Variants in SCHIP1 observed in about 807,000 individuals in gnomAD.
The protein encoded by SCHIP1 is schwannomin-interacting protein 1.
Under a neutral mutation model 29.7 loss-of-function variants are expected in SCHIP1, and 8 were observed. The observed-to-expected ratio is 0.27, with a 90% confidence interval of 0.16 to 0.49. SCHIP1 has a LOEUF of 0.49. Ranked by LOEUF, SCHIP1 falls within the 20% of genes least tolerant of loss-of-function variation. SCHIP1 has a pLI of 0.99. For missense variants in SCHIP1, 193 were observed against 294.6 expected (o/e 0.66, Z 2.52); for synonymous variants, 76 against 94.9 (o/e 0.80, Z 1.16).
At chr3:159,871,595 G>T (rs1715293724) in intron 2 of SCHIP1, among the ~76,000 whole-genome samples, 1 of 152,062 alleles carries the variant, frequency 6.6e-6, no homozygotes, top group Non-Finnish European at 1.5e-5. Flanking sequence ...CTCTTTCATT[G>T]GGATGCATCT....
the SCHIP1 span, among the ~76,000 whole-genome samples, chr3:159,749,692 C>T: frequency 3.7e-3 from 567 of 152,262 alleles, 3 homozygotes; most frequent in Middle Eastern, 0.031. Context: ...ATAGAGGCTC[C>T]GCAGCTTGCA....
the SCHIP1 span, among the ~76,000 whole-genome samples, chr3:159,596,189 C>T: frequency 6.6e-6 from 1 of 152,176 alleles, no homozygotes; most frequent in African/African-American, 2.4e-5. Flanking sequence ...CCAACAGACA[C>T]ATGGAAAAAT....
the SCHIP1 span, among the ~76,000 whole-genome samples, chr3:159,811,371 C>A: frequency 6.6e-6 from 1 of 152,278 alleles, no homozygotes; most frequent in Admixed American, 6.5e-5. Flanking sequence ...CTTTGTCTAA[C>A]TTAAGGTTGC....
At chr3:159,462,299 G>A in the SCHIP1 span, among the ~76,000 whole-genome samples, 39 of 152,216 alleles carry the variant, frequency 2.6e-4, no homozygotes, top group East Asian at 7.3e-3. Context: ...GGAACGGCCT[G>A]CCAGTCCTCT....
the SCHIP1 span, among the ~76,000 whole-genome samples, chr3:159,647,130 C>G: frequency 1.3e-5 from 2 of 151,822 alleles, no homozygotes; most frequent in Non-Finnish European, 2.9e-5. Context: ...AGTAGACCAC[C>G]ATTTGAGGGA....
chr3:159,332,572 T>C, the SCHIP1 span, among the ~76,000 whole-genome samples: 1 of 152,136 alleles, frequency 6.6e-6, no homozygotes, highest in East Asian at 1.9e-4. Context: ...AAATATTCAG[T>C]CTCCAGGAAT....
At chr3:159,764,664 G>A in the SCHIP1 span, 2 of 1,592,416 alleles carry the variant, frequency 1.3e-6, no homozygotes, top group Non-Finnish European at 1.7e-6. This position sits in a 1 kb window ranked among gnomAD's most constrained non-coding sequence, Gnocchi z 6.1. Context: ...GGGCGCCGGA[G>A]GAGGACGGGG....
At chr3:159,283,178 A>C in the SCHIP1 span, among the ~76,000 whole-genome samples, 16 of 152,288 alleles carry the variant, frequency 1.1e-4, no homozygotes, top group South Asian at 2.7e-3. Context: ...TTTGAGACGG[A>C]GTCTCACTCT....
chr3:159,680,467 C>T, the SCHIP1 span, among the ~76,000 whole-genome samples: 2 of 139,982 alleles, frequency 1.4e-5, no homozygotes, highest in Non-Finnish European at 3.0e-5. Flanking sequence ...CGAGATCATG[C>T]CACTGCACTC....
chr3:159,720,793 C>T, the SCHIP1 span, among the ~76,000 whole-genome samples: 1 of 152,136 alleles, frequency 6.6e-6, no homozygotes, highest in African/African-American at 2.4e-5. Flanking sequence ...CCATGTGGGC[C>T]AGACTGGTTG....
chr3:159,519,203 G>A, the SCHIP1 span, among the ~76,000 whole-genome samples: 6 of 152,092 alleles, frequency 3.9e-5, no homozygotes. Context: ...GTATATTGAA[G>A]TAGCCAAGTT....
chr3:159,346,074 G>T, the SCHIP1 span, among the ~76,000 whole-genome samples: 1 of 151,570 alleles, frequency 6.6e-6, no homozygotes, highest in Non-Finnish European at 1.5e-5. Context: ...TGCACCTGTA[G>T]TCCCAGCTAC....
chr3:159,803,390 C>T, the SCHIP1 span, among the ~76,000 whole-genome samples: 38,843 of 152,020 alleles, frequency 0.26, 5,200 homozygotes, highest in Middle Eastern at 0.34. Context: ...CTAGAACAGA[C>T]GTGTGGGTGT....
chr3:159,759,559 GC>G, the SCHIP1 span, among the ~76,000 whole-genome samples: 1 of 152,124 alleles, frequency 6.6e-6, no homozygotes, highest in African/African-American at 2.4e-5. Context: ...AAGTGTCTGG[GC>G]TCCTTCATGA....
the SCHIP1 span, among the ~76,000 whole-genome samples, chr3:159,570,297 A>C: frequency 1.4e-4 from 21 of 152,322 alleles, no homozygotes; most frequent in Middle Eastern, 3.4e-3. Context: ...TAAGTCTTTA[A>C]TCCATCTTGA....
the SCHIP1 span, among the ~76,000 whole-genome samples, chr3:159,680,507 C>CA: frequency 6.9e-3 from 644 of 92,728 alleles, 1 homozygote; most frequent in African/African-American, 0.015. Flanking sequence ...GATCTTGTCT[C>CA]AAAAAAAAAA....
the SCHIP1 span, among the ~76,000 whole-genome samples, chr3:159,678,926 T>C: frequency 6.6e-6 from 1 of 152,210 alleles, no homozygotes; most frequent in South Asian, 2.1e-4. Flanking sequence ...TATCGCCCTT[T>C]GATTCAATTA....
At chr3:159,384,342 C>A in the SCHIP1 span, among the ~76,000 whole-genome samples, 1 of 152,030 alleles carries the variant, frequency 6.6e-6, no homozygotes, top group South Asian at 2.1e-4. Flanking sequence ...TTGTCAAAGG[C>A]CTTTTCTGCA....
the SCHIP1 span, among the ~76,000 whole-genome samples, chr3:159,494,738 T>G: frequency 6.6e-6 from 1 of 152,144 alleles, no homozygotes; most frequent in Non-Finnish European, 1.5e-5. Flanking sequence ...GAGGGAATCC[T>G]CCCTAACTCA....
Sources: gnomAD v4.1 joint callset for allele counts (sites outside exome capture counted in the v4.1 genomes callset) on GRCh38, gnomAD v4.1.1 for gene constraint, Gnocchi (gnomAD v3.1) non-coding constraint, MANE v1.5 for transcripts, NCBI Gene and HGNC (gene_info 2026-07-23, HGNC 2026-07-21) for gene names.